CUX1: variants seen among roughly 807,000 people sequenced by gnomAD.
The protein encoded by CUX1 is cut like homeobox 1, also known as protein CASP.
Under a neutral mutation model 158.8 loss-of-function variants are expected in CUX1, and 31 were observed. The ratio of observed to expected loss-of-function variants is 0.20; its 90% confidence interval spans 0.15 to 0.26. CUX1 has a LOEUF of 0.26. Among genes scored for constraint, CUX1 ranks in the 10% least tolerant of loss-of-function variants. The probability of loss-of-function intolerance (pLI) is 1.00; values close to 1 mark genes in which losing one functional copy is unlikely to be tolerated. For synonymous variants in CUX1, 879 were observed against 862.1 expected (o/e 1.02, Z -0.34); for missense variants, 1,589 against 2,014.6 (o/e 0.79, Z 4.04).
intron 1 of CUX1, among the ~76,000 whole-genome samples, chr7:101,866,507 C>T (rs114984110): frequency 0.02 from 2,982 of 152,030 alleles, 96 homozygotes; most frequent in African/African-American, 0.067. Context: ...TAGCACTTGC[C>T]TGTAGTACCA....
chr7:102,211,579 G>T (rs982629193), intron 20 of CUX1, among the ~76,000 whole-genome samples: 1 of 151,974 alleles, frequency 6.6e-6, no homozygotes, highest in African/African-American at 2.4e-5. Context: ...TCAGGAGTTC[G>T]AGACCAGCCT....
intron 4 of CUX1, among the ~76,000 whole-genome samples, chr7:102,089,501 T>A (rs1828300101): frequency 6.6e-6 from 1 of 152,226 alleles, no homozygotes; most frequent in South Asian, 2.1e-4. Context: ...TGGGCAAGCC[T>A]TGAAGATGAG....
In CUX1 at chr7:101,998,173, C is replaced by T. The variant is rs546923937; in HGVS notation, c.142-29925C>T. On this transcript the variant is annotated intron_variant, in intron 2 of 23. Transcript: ENST00000292535. ...ACAGTACAGATGGCAGGGCTGTGCC[C>T]GGGCTGCAGGCTCCCATTTACCAGA... 3.3e-5 allele frequency among the ~76,000 whole-genome samples: 5 copies of T among 152,062 alleles called. 1 individual carries two copies. Among genetic ancestry groups the T allele is most frequent in the African/African-American group, 9.7e-5 (4 of 41,410 alleles).
chr7:102,265,276 A>G (rs1790719229), intron 14 of CUX1, among the ~76,000 whole-genome samples: 1 of 151,054 alleles, frequency 6.6e-6, no homozygotes, highest in South Asian at 2.1e-4. Context: ...GAATTGCTTG[A>G]ACCCCGGAGG....
intron 4 of CUX1, among the ~76,000 whole-genome samples, chr7:102,079,458 A>G (rs549107254): frequency 2.0e-5 from 3 of 152,020 alleles, no homozygotes; most frequent in Non-Finnish European, 4.4e-5. Context: ...AAATGACAAA[A>G]TCTTATGATT....
At chr7:101,836,759 C>T (rs370442791) in intron 1 of CUX1, among the ~76,000 whole-genome samples, 1 of 150,698 alleles carries the variant, frequency 6.6e-6, no homozygotes, top group African/African-American at 2.4e-5. Context: ...TTTGTTTTGG[C>T]TGGAGAAACC....
chr7:102,192,424 G>A (rs980171831), intron 12 of CUX1, among the ~76,000 whole-genome samples: 11 of 152,140 alleles, frequency 7.2e-5, no homozygotes, highest in Non-Finnish European at 1.3e-4. Flanking sequence ...GGCAACAAGC[G>A]GATAGCAGGC....
At chr7:102,094,873 A>T (rs1200402527) in intron 4 of CUX1, among the ~76,000 whole-genome samples, 2 of 152,164 alleles carry the variant, frequency 1.3e-5, no homozygotes, top group African/African-American at 4.8e-5. Flanking sequence ...GGGCAGGCTG[A>T]GAAGGTGAAG....
At chr7:102,239,799 T>G (rs1554534274) in intron 23 of CUX1, among the ~76,000 whole-genome samples, 2 of 151,914 alleles carry the variant, frequency 1.3e-5, no homozygotes, top group Non-Finnish European at 2.9e-5. Flanking sequence ...CAGGCTAGAG[T>G]GCATTGGCGC....
rs138518148 is a variant in CUX1 at position 102,175,610 on chromosome 7, C to T, written c.829-2859C>T. Among the ~76,000 whole-genome samples the T allele has an allele frequency of 4.9e-3, 742 of 152,194 alleles. 6 individuals carry two copies. Among genetic ancestry groups the T allele is most frequent in the South Asian group, 0.012 (56 of 4,820 alleles). ...TGCCTGCATGTCCTCCGCCCTTCCC[C>T]GGCACCCACCCTGAGATGGAGCCCC... On this transcript the variant is annotated intron_variant, in intron 10 of 23. Transcript: ENST00000292535.
rs1795385998 is a variant in CUX1, at chr7:102,201,087, C to T, written c.2063-273C>T. The stretch of plus-strand genomic sequence containing the variant: ...GGAAAGGAGCCCCAGGAGGGCAGGT[C>T]GGGGAGCACTTTCACTGACACCCCC... On this transcript the variant is annotated intron_variant, in intron 17 of 23. Coordinates refer to ENST00000292535, the MANE Select transcript of CUX1 (RefSeq NM_181552.4). This position sits in a 1 kb window ranked among gnomAD's most constrained non-coding sequence, Gnocchi z 5.0. Among the ~76,000 whole-genome samples the T allele has an allele frequency of 6.8e-6, 1 of 146,816 alleles. No individual in the cohort carries two copies. Among genetic ancestry groups the T allele is most frequent in the African/African-American group, 2.5e-5 (1 of 39,598 alleles).
intron 3 of CUX1, among the ~76,000 whole-genome samples, chr7:102,053,912 T>C (rs1013723435): frequency 6.6e-6 from 1 of 151,744 alleles, no homozygotes; most frequent in Non-Finnish European, 1.5e-5. Context: ...TTTGAGCCAT[T>C]CTCCTGCCTC....
intron 8 of CUX1, among the ~76,000 whole-genome samples, chr7:102,152,116 A>C (rs938478730): frequency 1.6e-4 from 25 of 152,316 alleles, no homozygotes; most frequent in Non-Finnish European, 3.4e-4. Flanking sequence ...AGGCCAAGGC[A>C]GGATTGTTTG....
chr7:101,965,539 G>T (rs1380637438), intron 2 of CUX1, among the ~76,000 whole-genome samples: 1 of 151,964 alleles, frequency 6.6e-6, no homozygotes, highest in Non-Finnish European at 1.5e-5. Context: ...AATGGACTTT[G>T]TTGCCAGCGT....
In CUX1 at chr7:102,201,634, G is replaced by A. The variant is rs781990403; in HGVS notation, c.2337G>A (p.Pro779=). 24 of 1,613,502 alleles carry A rather than the reference G, an allele frequency of 1.5e-5. No homozygotes were observed. The highest frequency in any genetic ancestry group is 4.4e-5 in the South Asian group (4 of 91,086). The stretch of plus-strand genomic sequence containing the variant: ...CTGAGGCCGGTGCCTCTGCTCTGCC[G>A]AACCCCCCGGCCCTCAAAAAGGAGG... ...AAPEAGASAL[P]NPPALKKEAQ... is the part of the protein sequence containing the mutation. Residue 779 remains proline, a synonymous_variant, in exon 18 of 24, where the codon CCG becomes CCA. Coordinates refer to ENST00000292535, the MANE Select transcript of CUX1 (RefSeq NM_181552.4). This position sits in a 1 kb window ranked among gnomAD's most constrained non-coding sequence, Gnocchi z 5.0.
chr7:102,175,744 G>A (rs10235870), intron 10 of CUX1, among the ~76,000 whole-genome samples: 3,617 of 152,220 alleles, frequency 0.024, 137 homozygotes, highest in African/African-American at 0.083. Context: ...TGGAGGGCTC[G>A]TGACGTTGGC....
chr7:101,922,110 C>T (rs1805017157), intron 2 of CUX1, among the ~76,000 whole-genome samples: 1 of 151,714 alleles, frequency 6.6e-6, no homozygotes. Flanking sequence ...AAAGTGAGAT[C>T]CTGTCTCAAA....
intron 2 of CUX1, among the ~76,000 whole-genome samples, chr7:101,982,758 C>T (rs1813598886): frequency 6.6e-6 from 1 of 151,760 alleles, no homozygotes; most frequent in Non-Finnish European, 1.5e-5. Flanking sequence ...TTCTAGGATA[C>T]ATGTGCACAA....
At chr7:102,095,419 G>A (rs184407402) in intron 4 of CUX1, among the ~76,000 whole-genome samples, 4 of 152,246 alleles carry the variant, frequency 2.6e-5, no homozygotes, top group South Asian at 4.1e-4. Flanking sequence ...CTGTGTATAC[G>A]TGCAGAGTAA....
Sources: allele counts gnomAD v4.1 joint callset (sites outside exome capture counted in the v4.1 genomes callset), GRCh38; gene constraint gnomAD v4.1.1; non-coding constraint Gnocchi (gnomAD v3.1); transcripts MANE v1.5; gene names NCBI Gene and HGNC (gene_info 2026-07-23, HGNC 2026-07-21).